Variants in PRKN observed in about 807,000 individuals in gnomAD.
PRKN encodes E3 ubiquitin-protein ligase parkin.
PRKN carries 56 observed loss-of-function variants against 59.5 expected under a neutral mutation model. The ratio of observed to expected loss-of-function variants is 0.94; its 90% CI spans 0.76 to 1.18. The LOEUF is 1.18. Among genes scored for constraint, PRKN ranks in the 50% most tolerant of loss-of-function variants. The pLI, the probability that PRKN is intolerant of heterozygous loss-of-function variation, is 0.00. For missense variants in PRKN, 657 were observed against 596.4 expected, an observed-to-expected ratio of 1.10 and a Z score of -1.06; for synonymous variants, 250 against 222.1, an observed-to-expected ratio of 1.13 and a Z score of -1.12.
At chr6:161,977,906 G>A (rs1473199237) in intron 5 of PRKN, among the ~76,000 whole-genome samples, 2 of 152,160 alleles carry the variant, frequency 1.3e-5, no homozygotes, top group East Asian at 3.9e-4. Context: ...AGATGGGTCA[G>A]AACAAGTTGG....
At chr6:162,506,250 G>GA (rs1583687887) in intron 1 of PRKN, among the ~76,000 whole-genome samples, 2 of 28,218 alleles carry the variant, frequency 7.1e-5, no homozygotes, top group African/African-American at 1.7e-4. Context: ...TAAAGAGGAA[G>GA]CAAAAAAAAA....
chr6:161,351,567 C>T (rs1784554107), intron 11 of PRKN, among the ~76,000 whole-genome samples: 2 of 152,140 alleles, frequency 1.3e-5, no homozygotes, highest in Admixed American at 1.3e-4. Context: ...TCAAGTCATC[C>T]TCCCGCCTCG....
chr6:162,299,705 A>AAG (rs1781855906), intron 2 of PRKN, among the ~76,000 whole-genome samples: 1 of 151,848 alleles, frequency 6.6e-6, no homozygotes, highest in Non-Finnish European at 1.5e-5. Flanking sequence ...ATGTGTGTCT[A>AAG]TAGGTCTGTG....
intron 9 of PRKN, among the ~76,000 whole-genome samples, chr6:161,532,411 G>T (rs1779257054): frequency 6.6e-6 from 1 of 151,672 alleles, no homozygotes; most frequent in Non-Finnish European, 1.5e-5. Flanking sequence ...TATGAGTGTG[G>T]GTGTATGTAT....
chr6:162,267,460 G>C (rs566233546), intron 2 of PRKN, among the ~76,000 whole-genome samples: 18 of 152,160 alleles, frequency 1.2e-4, no homozygotes, highest in African/African-American at 4.1e-4. Context: ...AGAGATTTTC[G>C]GTGGGAAGAC....
intron 7 of PRKN, among the ~76,000 whole-genome samples, chr6:161,645,881 G>T (rs1783910162): frequency 6.6e-6 from 1 of 152,286 alleles, no homozygotes; most frequent in South Asian, 2.1e-4. Flanking sequence ...TCTCAGCCAT[G>T]CCAGCGCAGG....
intron 9 of PRKN, among the ~76,000 whole-genome samples, chr6:161,537,651 C>CAG (rs1779466739): frequency 6.6e-6 from 1 of 152,064 alleles, no homozygotes; most frequent in African/African-American, 2.4e-5. Context: ...CGGGGTTTCA[C>CAG]CATGTTAGCC....
chr6:161,914,558 GA>G (rs966074985), intron 6 of PRKN, among the ~76,000 whole-genome samples: 84 of 150,962 alleles, frequency 5.6e-4, no homozygotes, highest in African/African-American at 1.4e-3. Context: ...TTATTAAAAA[GA>G]AAAAAAAATT....
intron 5 of PRKN, among the ~76,000 whole-genome samples, chr6:162,025,732 G>T (rs1783409790): frequency 6.6e-6 from 1 of 151,498 alleles, no homozygotes; most frequent in Admixed American, 6.6e-5. Flanking sequence ...GGGACCACAG[G>T]CATGTCCACA....
intron 1 of PRKN, among the ~76,000 whole-genome samples, chr6:162,664,388 T>C (rs1779016819): frequency 6.6e-6 from 1 of 152,242 alleles, no homozygotes; most frequent in African/African-American, 2.4e-5. Flanking sequence ...GAATGATTTA[T>C]ATTCCTTTGG....
chr6:161,886,645 C>T (rs1043623101), intron 6 of PRKN, among the ~76,000 whole-genome samples: 13 of 151,464 alleles, frequency 8.6e-5, no homozygotes, highest in South Asian at 2.1e-4. Flanking sequence ...TGCGGTGAGC[C>T]GAGATCGCGC....
chr6:162,593,817 T>G (rs1404346124), intron 1 of PRKN, among the ~76,000 whole-genome samples: 2 of 152,190 alleles, frequency 1.3e-5, no homozygotes, highest in Admixed American at 1.3e-4. Flanking sequence ...TTTTGTTAAG[T>G]GTGTTTCTAG....
intron 4 of PRKN, among the ~76,000 whole-genome samples, chr6:162,086,781 T>C (rs184994879): frequency 6.6e-6 from 1 of 152,304 alleles, no homozygotes; most frequent in East Asian, 1.9e-4. Context: ...CACTGATGCA[T>C]TAATTATAGG....
intron 1 of PRKN, among the ~76,000 whole-genome samples, chr6:162,627,025 A>G (rs372915611): frequency 1.3e-5 from 2 of 152,186 alleles, no homozygotes; most frequent in Non-Finnish European, 2.9e-5. Flanking sequence ...GGAATCCAAC[A>G]TCAGGATAAA....
At chr6:162,515,257 A>G (rs1428966904) in intron 1 of PRKN, among the ~76,000 whole-genome samples, 4 of 151,864 alleles carry the variant, frequency 2.6e-5, no homozygotes, top group African/African-American at 7.3e-5. Flanking sequence ...TAATTTTTGT[A>G]TTTTTAGTAG....
intron 2 of PRKN, among the ~76,000 whole-genome samples, chr6:162,354,569 T>C (rs970875436): frequency 6.6e-6 from 1 of 152,078 alleles, no homozygotes; most frequent in Non-Finnish European, 1.5e-5. Context: ...TTTCCACCTC[T>C]AATTAGCAGC....
At chr6:162,336,610 G>C (rs1360991073) in intron 2 of PRKN, among the ~76,000 whole-genome samples, 2 of 152,332 alleles carry the variant, frequency 1.3e-5, no homozygotes, top group East Asian at 3.8e-4. Flanking sequence ...TTGATGATTT[G>C]AGATTGCATG....
At chr6:161,872,874 T>C (rs917649115) in intron 6 of PRKN, among the ~76,000 whole-genome samples, 2 of 151,942 alleles carry the variant, frequency 1.3e-5, no homozygotes, top group Admixed American at 1.3e-4. Context: ...GTGTCACAAA[T>C]AGAGTTATTC....
At chr6:161,786,256 T>G (rs149101760) in intron 6 of PRKN, among the ~76,000 whole-genome samples, 1,634 of 152,258 alleles carry the variant, frequency 0.011, 22 homozygotes, top group African/African-American at 0.037. Flanking sequence ...TTGTATATAT[T>G]TCTATTGATC....
Sources: allele counts gnomAD v4.1 joint callset (sites outside exome capture counted in the v4.1 genomes callset), GRCh38; gene constraint gnomAD v4.1.1; transcripts MANE v1.5; gene names NCBI Gene and HGNC (gene_info 2026-07-23, HGNC 2026-07-21).